The following ATAD2 variants were observed in gnomAD, a reference collection of about 807,000 sequenced individuals.
ATAD2 encodes the protein ATPase family AAA domain-containing protein 2.
A neutral mutation model predicts 168.9 loss-of-function variants in ATAD2; 62 were observed. The observed-to-expected ratio is 0.37, with a 90% confidence interval of 0.30 to 0.45. The LOEUF (loss-of-function observed/expected upper bound fraction) is 0.45, where lower values mean the gene tolerates loss of function less well. Ranked by LOEUF, ATAD2 falls within the 20% of genes least tolerant of loss-of-function variation. The pLI is 1.00. For synonymous variants in ATAD2, 613 were observed against 571.6 expected (o/e 1.07, Z -1.03); for missense variants, 1,419 against 1,667.8 (o/e 0.85, Z 2.60).
intron 2 of ATAD2, among the ~76,000 whole-genome samples, chr8:123,375,543 C>A (rs1234066221): frequency 6.6e-6 from 1 of 152,188 alleles, no homozygotes; most frequent in Admixed American, 6.6e-5. Flanking sequence ...ACACCTACCT[C>A]CACATAAAAA....
chr8:123,371,108 C>G, intron 5 of ATAD2, 118 bp from the exon 6 acceptor site: 1 of 1,085,972 alleles, frequency 9.2e-7, no homozygotes, highest in Non-Finnish European at 1.3e-6. Context: ...TCTTACATTT[C>G]CAGCAGTAAC....
At chr8:123,404,458 A>G (rs1813042970) in intron 1 of ATAD2, among the ~76,000 whole-genome samples, 1 of 151,660 alleles carries the variant, frequency 6.6e-6, no homozygotes, top group African/African-American at 2.4e-5. Context: ...CAACCTTCGG[A>G]GTTTCTTGGC....
intron 13 of ATAD2, among the ~76,000 whole-genome samples, chr8:123,349,775 A>G (rs2074388443): frequency 6.6e-6 from 1 of 151,944 alleles, no homozygotes; most frequent in South Asian, 2.1e-4. Context: ...ATGGTGGCTC[A>G]CGCCTGTAAC....
chr8:123,327,707 GTAGAATAAATATAAATAATCTTGGACT>G (rs1247029443), intron 25 of ATAD2, among the ~76,000 whole-genome samples: 3 of 152,164 alleles, frequency 2.0e-5, no homozygotes, highest in Non-Finnish European at 4.4e-5. Flanking sequence ...GAGCAGATCA[GTAGAATAAATATAAATAATCTTGGACT>G]TAACCTACAA....
chr8:123,386,368 A>G (rs1208276082), intron 1 of ATAD2, among the ~76,000 whole-genome samples: 1 of 152,224 alleles, frequency 6.6e-6, no homozygotes, highest in Non-Finnish European at 1.5e-5. Flanking sequence ...CACATGCTAC[A>G]ATATGGATGA....
intron 1 of ATAD2, among the ~76,000 whole-genome samples, chr8:123,383,537 C>T (rs906141013): frequency 4.6e-5 from 7 of 150,678 alleles, no homozygotes; most frequent in Non-Finnish European, 8.9e-5. Context: ...TTTGGGAGGC[C>T]GAGGCTGGCG....
intron 13 of ATAD2, chr8:123,352,551 T>C (rs1185863142): frequency 6.6e-6 from 1 of 152,274 alleles, no homozygotes; most frequent in African/African-American, 2.4e-5. Flanking sequence ...ATTGCACAGC[T>C]TATTTGTGAA....
chr8:123,369,218 T>C (rs2129732182), intron 7 of ATAD2, 43 bp from the exon 8 acceptor site: 1 of 732,792 alleles, frequency 1.4e-6, no homozygotes, highest in Non-Finnish European at 1.8e-6. Flanking sequence ...TATATATATA[T>C]ATATGGCATA....
chr8:123,401,100 C>T, upstream of ATAD2: 1 of 1,504,718 alleles, frequency 6.6e-7, no homozygotes, highest in East Asian at 2.3e-5. Flanking sequence ...CCACCCTCCT[C>T]AGTGAGGTGA....
rs1828005629 is a variant in ATAD2, at chr8:123,339,405, A to G, written c.2760T>C (p.Asn920=). Residue 920 remains asparagine, a synonymous_variant, in exon 20 of 28, where the codon AAT becomes AAC. Transcript: ENST00000287394. ...GTTCTTCTTTATCCGGTAACTGGAC[A>G]TTAAAAATCTCTCCATAATCACGGA... The part of the protein sequence containing the change: ...LFIRDYGEIF[N]VQLPDKEERT... 1.3e-6 allele frequency: 2 copies of G among 1,598,556 alleles called. No individual in the cohort carries two copies. Among genetic ancestry groups the G allele is most frequent in the African/African-American group, 1.3e-5 (1 of 74,262 alleles).
chr8:123,321,297 T>C, intron 27 of ATAD2, 122 bp from the exon 28 acceptor site: 1 of 846,432 alleles, frequency 1.2e-6, no homozygotes, highest in East Asian at 2.7e-5. Context: ...TATTTGATAG[T>C]GAAAATAAAC....
chr8:123,409,113 A>C (rs1226354466), intron 1 of ATAD2, among the ~76,000 whole-genome samples: 3 of 152,282 alleles, frequency 2.0e-5, no homozygotes, highest in Admixed American at 2.0e-4. Context: ...GGTATGAGCC[A>C]CGGCCCCGGC....
intron 18 of ATAD2, among the ~76,000 whole-genome samples, 172 bp from the exon 19 acceptor site, chr8:123,345,241 T>A (rs935012895): frequency 6.6e-6 from 1 of 152,226 alleles, no homozygotes; most frequent in African/African-American, 2.4e-5. Context: ...ATTAAAAGTT[T>A]CATTTTTTTG....
chr8:123,343,596 A>G (rs958181526), intron 19 of ATAD2, among the ~76,000 whole-genome samples: 3 of 152,290 alleles, frequency 2.0e-5, no homozygotes, highest in Admixed American at 6.5e-5. Context: ...CCAATTGTCA[A>G]AAGTGTGAAA....
At chr8:123,350,067 A>G (rs934844564) in intron 13 of ATAD2, among the ~76,000 whole-genome samples, 10 of 152,288 alleles carry the variant, frequency 6.6e-5, no homozygotes, top group African/African-American at 1.9e-4. Flanking sequence ...AGCACCAGGT[A>G]GGACACACAG....
At position 123,328,798 on chromosome 8, in the gene ATAD2, A is replaced by ATTT. The variant is rs35015706; in HGVS notation, c.3479-222_3479-220dup. Among the ~76,000 whole-genome samples, 206 of 126,862 alleles carry ATTT rather than the reference A, an allele frequency of 1.6e-3. 4 individuals are homozygous for ATTT. The highest frequency in any genetic ancestry group is 4.1e-3 in the African/African-American group (135 of 32,870). The allele number at this position is 126,862 out of a possible 152,430, so 83.2% of individuals were successfully genotyped here. A position where few individuals can be genotyped will look rare whatever the true frequency, so the allele number is the denominator to read the frequency against. On this transcript the variant is annotated intron_variant, in intron 24 of 27. Transcript: ENST00000287394. ...TAAAAAATTTTGATTTTATCTTGAA[A>ATTT]TTTTTTTTTTTTTTTTTTTTGAGAC...
chr8:123,393,565 T>C (rs979085388), intron 1 of ATAD2, among the ~76,000 whole-genome samples: 1 of 151,590 alleles, frequency 6.6e-6, no homozygotes, highest in African/African-American at 2.4e-5. Context: ...AGGTGGGGCA[T>C]AATATATATA....
intron 1 of ATAD2, among the ~76,000 whole-genome samples, chr8:123,383,196 G>C (rs1829540967): frequency 6.6e-6 from 1 of 152,056 alleles, no homozygotes; most frequent in African/African-American, 2.4e-5. Context: ...GGCCTTTCGG[G>C]GAGTGGGGGG....
In ATAD2 at chr8:123,336,410, A is replaced by T; in HGVS notation, c.3174T>A (p.Ser1058Arg). Reference sequence around the variant, plus strand: ...TATCTGGATTGTATTCTAAGGCATTACTACAGATTAGATCAATATCTCTCA... The same window carrying T: ...TATCTGGATTGTATTCTAAGGCATTTCTACAGATTAGATCAATATCTCTCA... ...DYLRDIDLIC[S>R]NALEYNPDRD... The change falls in exon 22 of 28, where the codon AGT becomes AGA. Residue 1058 changes from serine to arginine, a missense_variant. This residue lies in a region of ATAD2 where 545 missense variants were observed against 724.9 expected (regional missense o/e 0.75). Coordinates refer to ENST00000287394, the MANE Select transcript of ATAD2 (RefSeq NM_014109.4). The T allele has an allele frequency of 1.3e-6, 2 of 1,581,618 alleles. No homozygotes were observed. The highest frequency in any genetic ancestry group is 1.7e-6 in the Non-Finnish European group (2 of 1,170,678).
Sources: allele counts gnomAD v4.1 joint callset (sites outside exome capture counted in the v4.1 genomes callset), GRCh38; gene constraint gnomAD v4.1.1; regional missense constraint gnomAD v4.1.1; transcripts MANE v1.5; gene names NCBI Gene and HGNC (gene_info 2026-07-23, HGNC 2026-07-21).